CRTC3: variants seen among roughly 807,000 people sequenced by gnomAD.
The protein encoded by CRTC3 is CREB-regulated transcription coactivator 3.
CRTC3 carries 26 observed loss-of-function variants against 74.5 expected under a neutral mutation model. That is an observed-to-expected ratio of 0.35 (90% CI 0.26 to 0.48). The LOEUF is 0.48. Ranked by LOEUF, CRTC3 falls within the 20% of genes least tolerant of loss-of-function variation. The probability of loss-of-function intolerance (pLI) is 0.99; values close to 1 mark genes in which losing one functional copy is unlikely to be tolerated. For synonymous variants in CRTC3, 377 were observed against 325.8 expected (o/e 1.16, Z -1.69); for missense variants, 760 against 787.3 (o/e 0.97, Z 0.41).
chr15:90,619,042 G>C (rs1290797697), intron 8 of CRTC3, among the ~76,000 whole-genome samples: 1 of 152,180 alleles, frequency 6.6e-6, no homozygotes, highest in Non-Finnish European at 1.5e-5. Context: ...TCCGTCTGGA[G>C]CTTATATTCT....
At chr15:90,614,555 C>A in intron 7 of CRTC3, 67 bp downstream of exon 7, 6 of 1,029,824 alleles carry the variant, frequency 5.8e-6, no homozygotes, top group South Asian at 5.6e-5. Flanking sequence ...CCTTTCAATA[C>A]CTTTACTAAT....
Position 90,584,526 on chromosome 15 carries a change from C to G in CRTC3, c.232-9110C>G, listed in dbSNP as rs142965200. 1.1e-3 allele frequency among the ~76,000 whole-genome samples: 168 copies of G among 152,292 alleles called. 1 individual carries two copies. Among genetic ancestry groups the G allele is most frequent in the African/African-American group, 3.9e-3 (163 of 41,538 alleles). ...TACTGGGATTATAGGCATGAGCCAC[C>G]GTGCCCGGCCCCCAGCAGAATTTTT... is the stretch of plus-strand genomic sequence containing the variant. On this transcript the variant is annotated intron_variant, in intron 2 of 14. Coordinates refer to ENST00000268184, the MANE Select transcript of CRTC3 (RefSeq NM_022769.5).
chr15:90,622,901 A>G (rs910958265), intron 9 of CRTC3, among the ~76,000 whole-genome samples: 1 of 152,180 alleles, frequency 6.6e-6, no homozygotes, highest in Non-Finnish European at 1.5e-5. Context: ...CAGTTTTTCT[A>G]CAACCAAAAT....
chr15:90,586,690 T>A (rs1365937435), intron 2 of CRTC3, among the ~76,000 whole-genome samples: 2 of 152,144 alleles, frequency 1.3e-5, no homozygotes, highest in Non-Finnish European at 2.9e-5. Flanking sequence ...AAGGATGTAT[T>A]TGGTCATACC....
intron 2 of CRTC3, among the ~76,000 whole-genome samples, chr15:90,556,678 A>G (rs955519854): frequency 1.3e-5 from 2 of 152,154 alleles, no homozygotes. Flanking sequence ...TTGTTTGAAA[A>G]TGGACAGCTT....
intron 9 of CRTC3, among the ~76,000 whole-genome samples, chr15:90,621,205 C>G (rs1489913315): frequency 1.3e-5 from 2 of 152,152 alleles, no homozygotes; most frequent in Non-Finnish European, 2.9e-5. Flanking sequence ...CCTCAAGAAT[C>G]AATTTTGGCT....
At position 90,625,859 on chromosome 15, in the gene CRTC3, C is replaced by A; in HGVS notation, c.833C>A (p.Thr278Asn). The change falls in exon 10 of 15, where the codon ACC (threonine) becomes AAC (asparagine). Residue 278 changes from threonine (T) to asparagine (N), a missense_variant. Physicochemically the swap from Thr to Asn is moderately conservative, Grantham distance 65. This residue lies in a region of CRTC3 where 652 missense variants were observed against 635.2 expected (regional missense o/e 1.03). Transcript: ENST00000268184. ...LNTGGSLPDLTNLHYSTPLPA... is the reference protein window; with the variant it reads ...LNTGGSLPDLNNLHYSTPLPA... ...ACTGGAGGGTCATTGCCAGATCTAA[C>A]CAACCTCCACTACTCGACACCCCTG... is the stretch of plus-strand genomic sequence containing the variant. The A allele has an allele frequency of 6.2e-7, 1 of 1,614,168 alleles. No individual in the cohort carries two copies. The highest frequency in any genetic ancestry group is 8.5e-7 in the Non-Finnish European group (1 of 1,180,012).
rs769660736 is a variant in CRTC3, at chr15:90,573,084, C to A, written c.232-20552C>A. On this transcript the variant is annotated intron_variant, in intron 2 of 14. Coordinates refer to ENST00000268184, the MANE Select transcript of CRTC3 (RefSeq NM_022769.5). ...TGCCACCTCCCACTAGCTCCTGAAT[C>A]ACCATTCTACTTTCTGTTTCTATGA... is the stretch of plus-strand genomic sequence containing the variant. Among the ~76,000 whole-genome samples the A allele has an allele frequency of 2.9e-4, 44 of 152,206 alleles. 1 individual carries two copies. Among genetic ancestry groups the A allele is most frequent in the Non-Finnish European group, 5.3e-4 (36 of 68,034 alleles).
chr15:90,535,601 C>T (rs1966706454), intron 1 of CRTC3, among the ~76,000 whole-genome samples: 1 of 152,022 alleles, frequency 6.6e-6, no homozygotes, highest in South Asian at 2.1e-4. Context: ...AGCATATCAC[C>T]CTGGAGTGTT....
chr15:90,551,929 C>G (rs960150874), intron 2 of CRTC3, among the ~76,000 whole-genome samples: 1 of 6,462 alleles, frequency 1.5e-4, no homozygotes, highest in Non-Finnish European at 3.8e-4. Context: ...ATTACACACA[C>G]GCACACACAC....
rs1966607225 is a variant in CRTC3 at position 90,530,439 on chromosome 15, C to G, written c.132+236C>G. On this transcript the variant is annotated intron_variant, in intron 1 of 14. Coordinates refer to ENST00000268184, the MANE Select transcript of CRTC3 (RefSeq NM_022769.5). The surrounding 1 kb of genome is among the most constrained non-coding windows in gnomAD (Gnocchi z 6.2). ...TGGGAGGGTCGCCCGGCCCCGTGTGCGGGAAGATGGGCAGGGGTGAAGCCC... is the reference window on the plus strand; with the variant it reads ...TGGGAGGGTCGCCCGGCCCCGTGTGGGGGAAGATGGGCAGGGGTGAAGCCC... The G allele has an allele frequency of 6.4e-6, 1 of 156,408 alleles. No individual in the cohort carries two copies. Among genetic ancestry groups the G allele is most frequent in the Non-Finnish European group, 1.4e-5 (1 of 71,994 alleles). The allele number at this position is 156,408 out of a possible 1,614,324, so 9.7% of individuals were successfully genotyped here.
intron 1 of CRTC3, among the ~76,000 whole-genome samples, chr15:90,531,463 C>T (rs1252387964): frequency 6.6e-6 from 1 of 152,268 alleles, no homozygotes; most frequent in East Asian, 1.9e-4. Context: ...CATTTATACT[C>T]ATGATGGTGT....
intron 3 of CRTC3, among the ~76,000 whole-genome samples, chr15:90,596,810 A>T (rs1967937542): frequency 6.6e-6 from 1 of 152,264 alleles, no homozygotes; most frequent in Non-Finnish European, 1.5e-5. Flanking sequence ...TTCATTTGAA[A>T]GTATAAAACA....
At chr15:90,613,687 G>A (rs1303371421) in intron 6 of CRTC3, 1 of 152,152 alleles carries the variant, frequency 6.6e-6, no homozygotes, top group Admixed American at 6.5e-5. Context: ...TATACTTAAA[G>A]GCTTAGAACT....
intron 2 of CRTC3, among the ~76,000 whole-genome samples, chr15:90,585,408 G>C (rs1967636283): frequency 2.0e-5 from 3 of 151,994 alleles, no homozygotes; most frequent in Admixed American, 2.0e-4. Context: ...AGCTCCCAAA[G>C]TACTGGGATT....
At chr15:90,613,182 C>T (rs1167417516) in intron 6 of CRTC3, among the ~76,000 whole-genome samples, 5 of 65,336 alleles carry the variant, frequency 7.7e-5, no homozygotes, top group South Asian at 6.5e-4. Context: ...GACTCTGTCT[C>T]GGGAAAAAAA....
intron 2 of CRTC3, among the ~76,000 whole-genome samples, chr15:90,562,295 A>G (rs1391662195): frequency 6.6e-6 from 1 of 152,200 alleles, no homozygotes; most frequent in Non-Finnish European, 1.5e-5. Flanking sequence ...TGTGTACCTG[A>G]TATCATTGAG....
chr15:90,619,978 T>G, intron 9 of CRTC3, 188 bp downstream of exon 9: 1 of 584,600 alleles, frequency 1.7e-6, no homozygotes, highest in Non-Finnish European at 3.1e-6. Context: ...ACTAATTAAA[T>G]TACATGACTA....
Position 90,531,552 on chromosome 15 carries a change from T to G in CRTC3, c.132+1349T>G, listed in dbSNP as rs140204083. 7.8e-3 allele frequency among the ~76,000 whole-genome samples: 1,188 copies of G among 152,258 alleles called. 8 individuals are homozygous for G. The highest frequency in any genetic ancestry group is 0.021 in the African/African-American group (890 of 41,554). On this transcript the variant is annotated intron_variant, in intron 1 of 14. Coordinates refer to ENST00000268184, the MANE Select transcript of CRTC3 (RefSeq NM_022769.5). ...TGTTCACATTGAGAAAAAATATATA[T>G]ATAGAGAGAAAGAAGCTGAAGATTT...
Sources: gnomAD v4.1 joint callset for allele counts (sites outside exome capture counted in the v4.1 genomes callset) on GRCh38, gnomAD v4.1.1 for gene constraint, gnomAD v4.1.1 regional missense constraint, Gnocchi (gnomAD v3.1) non-coding constraint, MANE v1.5 for transcripts, NCBI Gene and HGNC (gene_info 2026-07-23, HGNC 2026-07-21) for gene names.